RBMS3: variants seen among roughly 807,000 people sequenced by gnomAD.
The protein encoded by RBMS3 is RNA binding motif single stranded interacting protein 3.
In RBMS3, 27 loss-of-function variants were observed where a neutral mutation model predicts 66.8. The ratio of observed to expected loss-of-function variants is 0.40; its 90% CI spans 0.30 to 0.56. The LOEUF (loss-of-function observed/expected upper bound fraction) is 0.56. RBMS3 is among the 20% of genes least tolerant of loss of function. The pLI is 0.40. For synonymous variants in RBMS3, 188 were observed against 183.0 expected, an observed-to-expected ratio of 1.03 and a Z score of -0.22; for missense variants, 513 against 549.5, an observed-to-expected ratio of 0.93 and a Z score of 0.66.
intron 4 of RBMS3, among the ~76,000 whole-genome samples, chr3:29,607,864 C>A (rs942471670): frequency 7.2e-5 from 11 of 151,782 alleles, no homozygotes; most frequent in African/African-American, 2.7e-4. Flanking sequence ...AATATTAATT[C>A]TTTGCTGCTA....
chr3:29,572,318 C>T (rs995584212), intron 3 of RBMS3, among the ~76,000 whole-genome samples: 14 of 152,004 alleles, frequency 9.2e-5, no homozygotes, highest in Non-Finnish European at 1.8e-4. Flanking sequence ...TGTTAAATAA[C>T]AGTGGTGAAT....
chr3:29,912,760 G>T (rs759314178), intron 10 of RBMS3, among the ~76,000 whole-genome samples: 60 of 152,128 alleles, frequency 3.9e-4, no homozygotes, highest in Middle Eastern at 6.8e-3. Flanking sequence ...ATATAAGAAT[G>T]ACTCAGTAAA....
chr3:29,295,913 G>A (rs112730897), intron 1 of RBMS3, among the ~76,000 whole-genome samples: 3 of 151,654 alleles, frequency 2.0e-5, no homozygotes, highest in South Asian at 2.1e-4. Flanking sequence ...GATGAGTTTC[G>A]TATTACACAA....
chr3:29,505,519 G>T (rs73044668), intron 3 of RBMS3, among the ~76,000 whole-genome samples: 9,659 of 142,496 alleles, frequency 0.068, 548 homozygotes, highest in African/African-American at 0.16. Flanking sequence ...TTTTTTTTTT[G>T]TTGTTTGTTT....
chr3:29,334,928 C>T (rs1274112073), intron 1 of RBMS3, among the ~76,000 whole-genome samples: 1 of 152,076 alleles, frequency 6.6e-6, no homozygotes, highest in Admixed American at 6.6e-5. Flanking sequence ...GCTGTACTAG[C>T]GTTTGGAATC....
chr3:29,333,716 T>C (rs543669457), intron 1 of RBMS3, among the ~76,000 whole-genome samples: 1 of 152,290 alleles, frequency 6.6e-6, no homozygotes, highest in African/African-American at 2.4e-5. Flanking sequence ...AGCAGTGCAA[T>C]GAAGCCTCCA....
chr3:29,674,200 A>G (rs1378049544), intron 4 of RBMS3, among the ~76,000 whole-genome samples: 1 of 152,216 alleles, frequency 6.6e-6, no homozygotes, highest in Non-Finnish European at 1.5e-5. Flanking sequence ...ACAAAATTCA[A>G]CAGCCCTTCA....
chr3:29,673,146 T>C (rs984143760), intron 4 of RBMS3, among the ~76,000 whole-genome samples: 13 of 152,194 alleles, frequency 8.5e-5, no homozygotes, highest in Non-Finnish European at 1.9e-4. Context: ...CCTGAATGAC[T>C]ACTGGGTAAA....
At chr3:29,314,020 T>A (rs1198789774) in intron 1 of RBMS3, among the ~76,000 whole-genome samples, 3 of 151,706 alleles carry the variant, frequency 2.0e-5, no homozygotes, top group Non-Finnish European at 4.4e-5. Flanking sequence ...ATTGGCAAAT[T>A]TTCTTTCTTG....
intron 6 of RBMS3, among the ~76,000 whole-genome samples, chr3:29,810,850 GATTT>G (rs1413996081): frequency 2.6e-5 from 4 of 151,976 alleles, no homozygotes; most frequent in African/African-American, 9.7e-5. Flanking sequence ...TACTAATATT[GATTT>G]ATTTGTTAGA....
At chr3:29,788,476 C>T (rs948771858) in intron 6 of RBMS3, among the ~76,000 whole-genome samples, 9 of 152,136 alleles carry the variant, frequency 5.9e-5, no homozygotes, top group Non-Finnish European at 2.9e-5. Context: ...CTGCCTGCCT[C>T]AGCCTCCCAA....
intron 10 of RBMS3, among the ~76,000 whole-genome samples, chr3:29,931,055 CACTAG>C (rs1287499364): frequency 6.6e-6 from 1 of 152,110 alleles, no homozygotes; most frequent in African/African-American, 2.4e-5. Flanking sequence ...GCACTATAGA[CACTAG>C]ACAGTGGTGA....
At position 29,310,139 on chromosome 3, in the gene RBMS3, T is replaced by C. The variant is rs112040814; in HGVS notation, c.75+28383T>C. 5.5e-3 allele frequency among the ~76,000 whole-genome samples: 832 copies of C among 151,670 alleles called. 5 individuals carry two copies. The highest frequency in any genetic ancestry group is 0.019 in the African/African-American group (779 of 41,430). ...CAGATCAAGGGCACAGGTGGAGCAATTGGCCTTAGAAAACCTAATCCATAA... is the reference window on the plus strand; with the variant it reads ...CAGATCAAGGGCACAGGTGGAGCAACTGGCCTTAGAAAACCTAATCCATAA... On this transcript the variant is annotated intron_variant, in intron 1 of 14. Transcript: ENST00000383767.
chr3:29,464,479 T>G (rs2042471902), intron 2 of RBMS3, among the ~76,000 whole-genome samples: 1 of 152,194 alleles, frequency 6.6e-6, no homozygotes, highest in African/African-American at 2.4e-5. Context: ...GGAACCAGAT[T>G]ATTAGTTGAC....
At chr3:29,579,071 G>C (rs1463389762) in intron 3 of RBMS3, among the ~76,000 whole-genome samples, 1 of 135,124 alleles carries the variant, frequency 7.4e-6, no homozygotes, top group Non-Finnish European at 1.6e-5. Context: ...AAAGTGCTGG[G>C]ATTACAGGCG....
chr3:29,996,001 G>C (rs961644006), intron 14 of RBMS3, among the ~76,000 whole-genome samples: 1 of 152,244 alleles, frequency 6.6e-6, no homozygotes, highest in South Asian at 2.1e-4. Context: ...AGACCCATCA[G>C]TGTGCTGTAT....
At chr3:29,628,889 G>A (rs1006155628) in intron 4 of RBMS3, among the ~76,000 whole-genome samples, 4 of 151,898 alleles carry the variant, frequency 2.6e-5, no homozygotes, top group Admixed American at 2.6e-4. Flanking sequence ...GTGATTTTTT[G>A]ACTGAGAATT....
At chr3:29,884,467 T>TCC (rs1559767361) in intron 8 of RBMS3, among the ~76,000 whole-genome samples, 4 of 74,790 alleles carry the variant, frequency 5.3e-5, no homozygotes, top group South Asian at 5.1e-4. Flanking sequence ...TCTCTCTCTC[T>TCC]CTCCCCCCCC....
chr3:29,451,056 C>G (rs1261362146), intron 2 of RBMS3, among the ~76,000 whole-genome samples: 2 of 152,088 alleles, frequency 1.3e-5, no homozygotes, highest in Non-Finnish European at 2.9e-5. Flanking sequence ...TCAATGCTTA[C>G]CACATACCAA....
Sources: gnomAD v4.1 joint callset for allele counts (sites outside exome capture counted in the v4.1 genomes callset) on GRCh38, gnomAD v4.1.1 for gene constraint, MANE v1.5 for transcripts, NCBI Gene and HGNC (gene_info 2026-07-23, HGNC 2026-07-21) for gene names.